CSMD3: variants seen among roughly 807,000 people sequenced by gnomAD.
CSMD3 encodes the protein CUB and sushi domain-containing protein 3.
CSMD3 carries 177 observed loss-of-function variants against 435.2 expected under a neutral mutation model. That is an observed-to-expected ratio of 0.41 (90% CI 0.36 to 0.46). CSMD3 has a LOEUF of 0.46. Among genes scored for constraint, CSMD3 ranks in the 20% least tolerant of loss-of-function variants. The pLI is 0.34. For missense variants in CSMD3, 4,265 were observed against 4,504.6 expected (o/e 0.95, Z 1.52); for synonymous variants, 1,656 against 1,520.5 (o/e 1.09, Z -2.07).
intron 10 of CSMD3, among the ~76,000 whole-genome samples, chr8:112,911,649 G>A (rs1330240758): frequency 1.6e-5 from 1 of 64,472 alleles, no homozygotes; most frequent in South Asian, 4.6e-4. Context: ...ATATGTGTGT[G>A]TGTGTGTGTG....
intron 3 of CSMD3, among the ~76,000 whole-genome samples, chr8:113,238,852 C>T (rs2093179423): frequency 6.6e-6 from 1 of 152,136 alleles, no homozygotes; most frequent in South Asian, 2.1e-4. Flanking sequence ...TCAGCTCCTA[C>T]TGTGATGATT....
At chr8:112,678,484 C>T (rs1369709744) in intron 16 of CSMD3, among the ~76,000 whole-genome samples, 1 of 152,096 alleles carries the variant, frequency 6.6e-6, no homozygotes, top group East Asian at 1.9e-4. Flanking sequence ...ACAAACTGAT[C>T]TCAAGAATCT....
intron 3 of CSMD3, among the ~76,000 whole-genome samples, chr8:113,174,677 A>G (rs1285631663): frequency 6.6e-6 from 1 of 151,968 alleles, no homozygotes; most frequent in Non-Finnish European, 1.5e-5. Context: ...ATTAAATGAA[A>G]AAATTTTTTT....
intron 13 of CSMD3, among the ~76,000 whole-genome samples, chr8:112,762,976 C>A (rs142914149): frequency 1.3e-5 from 2 of 151,488 alleles, no homozygotes; most frequent in East Asian, 1.9e-4. Context: ...TTAGTTCAAG[C>A]GATGTATTGT....
At chr8:112,283,669 TTAA>T (rs1450015264) in intron 58 of CSMD3, among the ~76,000 whole-genome samples, 1 of 151,714 alleles carries the variant, frequency 6.6e-6, no homozygotes, top group East Asian at 1.9e-4. Context: ...TTCCATACAG[TTAA>T]TAATTTACCT....
intron 1 of CSMD3, among the ~76,000 whole-genome samples, chr8:113,430,301 C>T (rs1299148675): frequency 1.3e-5 from 2 of 152,104 alleles, no homozygotes; most frequent in Non-Finnish European, 2.9e-5. Context: ...GCAATAGCTA[C>T]TAGTGCCAAG....
chr8:112,341,407 G>T, intron 42 of CSMD3, 70 bp downstream of exon 42: 6 of 957,552 alleles, frequency 6.3e-6, no homozygotes, highest in Non-Finnish European at 8.2e-6. Context: ...AAAATAATTA[G>T]ACTCAGTTAA....
In CSMD3 at chr8:113,232,733, T is replaced by C. The variant is rs78135522; in HGVS notation, c.514+45859A>G. ...AAATACCTTGCCTTCACTATAGCAT[T>C]TGATTACCCGTAAGTGCCATTTATT... On this transcript the variant is annotated intron_variant, in intron 3 of 70. Coordinates refer to ENST00000297405, the MANE Select transcript of CSMD3 (RefSeq NM_198123.2). Among the ~76,000 whole-genome samples the C allele has an allele frequency of 3.1e-4, 47 of 151,898 alleles. No individual in the cohort carries two copies. In the East Asian group the frequency reaches 8.9e-3, roughly 29 times the overall value.
At chr8:112,405,214 CATATATATATATATATATATAT>C (rs71309768) in intron 35 of CSMD3, among the ~76,000 whole-genome samples, 2 of 19,070 alleles carry the variant, frequency 1.0e-4, no homozygotes, top group African/African-American at 2.8e-4. Context: ...AAAAAACCCC[CATATATATATATATATATATAT>C]ATATATATAT....
intron 24 of CSMD3, among the ~76,000 whole-genome samples, chr8:112,570,505 C>A (rs561831823): frequency 6.6e-5 from 10 of 152,186 alleles, no homozygotes; most frequent in Admixed American, 2.0e-4. Context: ...TAATTGGTAT[C>A]CAAAGTCAGT....
intron 22 of CSMD3, among the ~76,000 whole-genome samples, chr8:112,593,648 C>T (rs1025433541): frequency 2.6e-5 from 4 of 151,916 alleles, no homozygotes; most frequent in Non-Finnish European, 4.4e-5. Context: ...AGAAGAGAAG[C>T]AAAATAAGAC....
At chr8:112,249,994 G>C (rs1264355126) in intron 63 of CSMD3, among the ~76,000 whole-genome samples, 3 of 151,884 alleles carry the variant, frequency 2.0e-5, no homozygotes, top group African/African-American at 7.3e-5. Context: ...GGAAGGAATG[G>C]GGACAAAATA....
At chr8:112,284,229 T>A (rs1428378856) in intron 58 of CSMD3, among the ~76,000 whole-genome samples, 1 of 151,880 alleles carries the variant, frequency 6.6e-6, no homozygotes, top group African/African-American at 2.4e-5. Context: ...CAAATTTGCA[T>A]TTCTCTATTG....
chr8:113,017,445 T>C (rs1227003853), intron 6 of CSMD3, among the ~76,000 whole-genome samples: 1 of 19,044 alleles, frequency 5.3e-5, no homozygotes, highest in Non-Finnish European at 7.0e-5. Flanking sequence ...AGGAGATCTA[T>C]TTTTTTGCTC....
At chr8:112,300,712 A>G (rs73326611) in intron 53 of CSMD3, among the ~76,000 whole-genome samples, 1 of 152,152 alleles carries the variant, frequency 6.6e-6, no homozygotes, top group Admixed American at 6.6e-5. Flanking sequence ...GTGTGCTCTT[A>G]TAAAGAAATT....
intron 35 of CSMD3, among the ~76,000 whole-genome samples, chr8:112,399,658 T>C (rs531111079): frequency 2.5e-4 from 38 of 152,274 alleles, no homozygotes; most frequent in African/African-American, 7.9e-4. Flanking sequence ...CAGCCAAATA[T>C]TCAATTTCAT....
At chr8:112,455,313 T>A (rs1816718433) in intron 32 of CSMD3, among the ~76,000 whole-genome samples, 1 of 152,118 alleles carries the variant, frequency 6.6e-6, no homozygotes, top group Non-Finnish European at 1.5e-5. Flanking sequence ...TGTAGGCCGT[T>A]ATCCTAAGCA....
At chr8:113,076,762 C>A (rs1444356295) in intron 5 of CSMD3, among the ~76,000 whole-genome samples, 1 of 151,964 alleles carries the variant, frequency 6.6e-6, no homozygotes, top group Non-Finnish European at 1.5e-5. Flanking sequence ...AACTATAAAA[C>A]TATGGTTACA....
At chr8:112,324,544 G>A (rs977741878) in intron 45 of CSMD3, among the ~76,000 whole-genome samples, 3 of 151,136 alleles carry the variant, frequency 2.0e-5, no homozygotes, top group East Asian at 3.9e-4. Flanking sequence ...ATATTAATTA[G>A]TAGAATTTAA....
Sources: gnomAD v4.1 joint callset for allele counts (sites outside exome capture counted in the v4.1 genomes callset) on GRCh38, gnomAD v4.1.1 for gene constraint, MANE v1.5 for transcripts, NCBI Gene and HGNC (gene_info 2026-07-23, HGNC 2026-07-21) for gene names.